KAT2B: variants seen among roughly 807,000 people sequenced by gnomAD.
KAT2B encodes lysine acetyltransferase 2B.
Under a neutral mutation model 105.9 loss-of-function variants are expected in KAT2B, and 36 were observed. The observed-to-expected ratio is 0.34, with a 90% CI of 0.26 to 0.45. The LOEUF is 0.45. KAT2B is among the 20% of genes least tolerant of loss of function. The pLI, the probability that KAT2B is intolerant of heterozygous loss-of-function variation, is 1.00. For synonymous variants in KAT2B, 397 were observed against 377.9 expected (o/e 1.05, Z -0.59); for missense variants, 820 against 1,021.6 (o/e 0.80, Z 2.69).
At chr3:20,084,443 A>G (rs1257351549) in intron 2 of KAT2B, among the ~76,000 whole-genome samples, 1 of 152,124 alleles carries the variant, frequency 6.6e-6, no homozygotes, top group African/African-American at 2.4e-5. Context: ...TGTACAGGGG[A>G]GCCTCTTTCT....
At chr3:20,104,659 A>G (rs1422493264) in intron 5 of KAT2B, among the ~76,000 whole-genome samples, 1 of 152,352 alleles carries the variant, frequency 6.6e-6, no homozygotes, top group East Asian at 1.9e-4. Context: ...TGTAAATATT[A>G]GAACAAAGAT....
intron 1 of KAT2B, among the ~76,000 whole-genome samples, chr3:20,042,795 C>T (rs2125160709): frequency 6.6e-6 from 1 of 152,216 alleles, no homozygotes; most frequent in South Asian, 2.1e-4. Context: ...TATTTTTGAT[C>T]TTTTCAAATT....
intron 3 of KAT2B, among the ~76,000 whole-genome samples, chr3:20,097,548 CTT>C (rs1368063258): frequency 1.3e-5 from 2 of 151,808 alleles, no homozygotes; most frequent in African/African-American, 4.8e-5. Context: ...TTAATTTTAA[CTT>C]TTTTGAGACA....
At chr3:20,136,899 T>A (rs867154081) in intron 11 of KAT2B, 43 bp from the exon 12 acceptor site, 1 of 1,013,814 alleles carries the variant, frequency 9.9e-7, no homozygotes, top group Non-Finnish European at 1.5e-6. Context: ...AAAATTTTTC[T>A]CCCCAGTCTA....
chr3:20,065,092 C>T (rs765749090), intron 1 of KAT2B, among the ~76,000 whole-genome samples: 4 of 152,176 alleles, frequency 2.6e-5, no homozygotes, highest in Admixed American at 2.6e-4. Context: ...ATAACAACAT[C>T]GGTTGCATAC....
chr3:20,046,326 A>G (rs1208754858), intron 1 of KAT2B, among the ~76,000 whole-genome samples: 2 of 152,204 alleles, frequency 1.3e-5, no homozygotes, highest in African/African-American at 4.8e-5. Flanking sequence ...TTGTGCCTGT[A>G]ATCCCAGCAG....
At chr3:20,130,943 A>G (rs1040151199) in intron 11 of KAT2B, among the ~76,000 whole-genome samples, 7 of 150,632 alleles carry the variant, frequency 4.6e-5, no homozygotes, top group Admixed American at 2.6e-4. Flanking sequence ...TGTGTGTTCT[A>G]ATGGTAAGAA....
chr3:20,062,151 A>AATATATAATATATAAT (rs1168975915), intron 1 of KAT2B, among the ~76,000 whole-genome samples: 1 of 85,532 alleles, frequency 1.2e-5, no homozygotes, highest in African/African-American at 4.8e-5. Context: ...AATATATAAA[A>AATATATAATATATAAT]ATATATAATA....
At chr3:20,083,248 T>G (rs572816351) in intron 2 of KAT2B, among the ~76,000 whole-genome samples, 18 of 151,540 alleles carry the variant, frequency 1.2e-4, no homozygotes, top group Non-Finnish European at 2.4e-4. Context: ...TTTATTTTAT[T>G]TTTTAGTTTT....
intron 1 of KAT2B, among the ~76,000 whole-genome samples, chr3:20,070,309 CT>C (rs66606824): frequency 2.3e-3 from 201 of 86,426 alleles, no homozygotes; most frequent in African/African-American, 2.2e-3. Flanking sequence ...TTCTTTCTTT[CT>C]TTTTTTTTTT....
intron 5 of KAT2B, among the ~76,000 whole-genome samples, chr3:20,109,447 G>T (rs1250322440): frequency 1.3e-5 from 2 of 152,164 alleles, no homozygotes; most frequent in Non-Finnish European, 2.9e-5. Context: ...CTCCCAAGTA[G>T]CTAGGAATAT....
chr3:20,047,226 A>C (rs749771832), intron 1 of KAT2B, among the ~76,000 whole-genome samples: 57 of 151,626 alleles, frequency 3.8e-4, no homozygotes, highest in Non-Finnish European at 1.5e-4. Context: ...TGGCCGGCTA[A>C]TTTTTGTATT....
At position 20,122,742 on chromosome 3, in the gene KAT2B, A is replaced by G. The variant is rs1272504358; in HGVS notation, c.1351A>G (p.Met451Val). Residue 451 changes from methionine (M) to valine (V), a missense_variant, in exon 9 of 18, where the codon ATG (methionine) becomes GTG (valine). By Grantham distance (21) the Met-to-Val change is conservative. Coordinates refer to ENST00000263754, the MANE Select transcript of KAT2B (RefSeq NM_003884.5). ...KKPRVMGDIP[M>V]ELINEVMSTI... ...ACCCCGAGTTATGGGGGATATTCCG[A>G]TGGAATTAATCAACGAGGTTATGTC... is the stretch of plus-strand genomic sequence containing the variant. The G allele has an allele frequency of 6.2e-7, 1 of 1,614,070 alleles. No homozygotes were observed. The highest frequency in any genetic ancestry group is 1.7e-5 in the Admixed American group (1 of 60,018).
chr3:20,043,097 GT>G (rs1279058484), intron 1 of KAT2B, among the ~76,000 whole-genome samples: 1 of 151,952 alleles, frequency 6.6e-6, no homozygotes, highest in Non-Finnish European at 1.5e-5. Context: ...TAGAGATAGG[GT>G]TTCACCTTGT....
intron 1 of KAT2B, among the ~76,000 whole-genome samples, 184 bp from the exon 2 acceptor site, chr3:20,072,149 G>A (rs1698335153): frequency 6.6e-6 from 1 of 152,174 alleles, no homozygotes; most frequent in South Asian, 2.1e-4. Context: ...AAAACAAAAA[G>A]CAAAGCACTC....
At chr3:20,147,924 A>G in intron 14 of KAT2B, 39 bp from the exon 15 acceptor site, 1 of 1,600,254 alleles carries the variant, frequency 6.2e-7, no homozygotes, top group Non-Finnish European at 8.5e-7. Context: ...CTTGACCAAA[A>G]GCACTTCTCA....
chr3:20,126,345 A>G (rs970984427), intron 10 of KAT2B, among the ~76,000 whole-genome samples: 2 of 152,120 alleles, frequency 1.3e-5, no homozygotes, highest in African/African-American at 4.8e-5. Context: ...TACATTGCTG[A>G]TGACTCTCCT....
chr3:20,104,093 A>T (rs1240987062), intron 5 of KAT2B, among the ~76,000 whole-genome samples: 1 of 152,210 alleles, frequency 6.6e-6, no homozygotes, highest in Non-Finnish European at 1.5e-5. Flanking sequence ...TGTATAATTG[A>T]GTGAGTGTGT....
In KAT2B at chr3:20,144,579, A is replaced by G. The variant is rs535912794; in HGVS notation, c.2005-1737A>G. ...GCTGGGATTACAGGCGTGAGCCACC[A>G]AGCCCAGCCAGGTTTCTTTTTTCTT... On this transcript the variant is annotated intron_variant, in intron 13 of 17. Coordinates refer to ENST00000263754, the MANE Select transcript of KAT2B (RefSeq NM_003884.5). 1.5e-3 allele frequency among the ~76,000 whole-genome samples: 226 copies of G among 148,582 alleles called. 2 individuals are homozygous for G. Among genetic ancestry groups the G allele is most frequent in the East Asian group, 7.3e-3 (36 of 4,918 alleles).
Sources: gnomAD v4.1 joint callset for allele counts (sites outside exome capture counted in the v4.1 genomes callset) on GRCh38, gnomAD v4.1.1 for gene constraint, MANE v1.5 for transcripts, NCBI Gene and HGNC (gene_info 2026-07-23, HGNC 2026-07-21) for gene names.